The following TBC1D25 variants were observed in gnomAD, a reference collection of about 807,000 sequenced individuals.
The protein encoded by TBC1D25 is 5SN3 snoRNA.
Under a neutral mutation model 38.8 loss-of-function variants are expected in TBC1D25, and 13 were observed. That is an observed-to-expected ratio of 0.34 (90% CI 0.22 to 0.53). TBC1D25 has a LOEUF of 0.53. TBC1D25 is among the 20% of genes least tolerant of loss of function. The pLI is 0.94. For synonymous variants in TBC1D25, 225 were observed against 255.6 expected (o/e 0.88, Z 1.14); for missense variants, 372 against 600.0 (o/e 0.62, Z 3.97).
At position 48,541,445 on chromosome X, in the gene TBC1D25, G is replaced by A. The variant is rs1556980248; in HGVS notation, c.233+3G>A. 1 of 1,209,344 alleles carries A rather than the reference G, an allele frequency of 8.3e-7. No homozygotes were observed. Among genetic ancestry groups the A allele is most frequent in the Non-Finnish European group, 1.1e-6 (1 of 893,587 alleles). ...ATCCGAGCCTTTGATTTGAGTGGGT[G>A]AGTGGGAAGATGCTGGGGACTGGCC... On this transcript the variant is annotated splice_donor_region_variant and intron_variant, in intron 2 of 5. Coordinates refer to ENST00000376771, the MANE Select transcript of TBC1D25 (RefSeq NM_002536.4).
intron 3 of TBC1D25, among the ~76,000 whole-genome samples, chrX:48,548,999 G>T (rs1021321889): frequency 5.3e-5 from 6 of 112,360 alleles, no homozygotes; most frequent in Non-Finnish European, 1.1e-4. Flanking sequence ...CACCTCTACA[G>T]TTGGGAGATT....
At position 48,561,741 on chromosome X, in the gene TBC1D25, C is replaced by T. The variant is rs1240415352; in HGVS notation, c.*766C>T. The T allele has an allele frequency of 8.9e-6, 1 of 112,425 alleles. No individual in the cohort carries two copies. Among genetic ancestry groups the T allele is most frequent in the East Asian group, 2.8e-4 (1 of 3,584 alleles). The allele number at this position is 112,425 out of a possible 1,213,427, so 9.3% of individuals were successfully genotyped here. A position where few individuals can be genotyped will look rare whatever the true frequency, so the allele number is the denominator to read the frequency against. On this transcript the variant is annotated 3_prime_UTR_variant, in exon 6 of 6. Transcript: ENST00000376771. ...CGTGCAGATGTTAACAAGGTTTGAG[C>T]GAGGTGCATCTCACACAAGTGTGAA...
chrX:48,556,819 G>A (rs782217966), intron 3 of TBC1D25, among the ~76,000 whole-genome samples: 106 of 109,044 alleles, frequency 9.7e-4, no homozygotes, highest in Non-Finnish European at 1.3e-3. Flanking sequence ...CTCGTATCAG[G>A]GCTGTAGGAG....
At chrX:48,542,602 C>T (rs1433990145) in intron 2 of TBC1D25, among the ~76,000 whole-genome samples, 3 of 108,001 alleles carry the variant, frequency 2.8e-5, no homozygotes, top group Non-Finnish European at 5.7e-5. Context: ...ATTCTCATGC[C>T]TCAGCCTCCA....
At chrX:48,546,873 T>A (rs181621211) in intron 3 of TBC1D25, among the ~76,000 whole-genome samples, 2 of 112,226 alleles carry the variant, frequency 1.8e-5, no homozygotes, top group Admixed American at 1.9e-4. Context: ...GAAGTATGTA[T>A]GGGTGTTCAG....
At chrX:48,543,398 G>A (rs995590362) in intron 2 of TBC1D25, among the ~76,000 whole-genome samples, 3 of 106,874 alleles carry the variant, frequency 2.8e-5, no homozygotes, top group South Asian at 4.3e-4. Flanking sequence ...CACCATGCCC[G>A]GCTAATTTTT....
intron 3 of TBC1D25, among the ~76,000 whole-genome samples, chrX:48,545,456 T>C (rs2061875816): frequency 8.9e-6 from 1 of 112,474 alleles, no homozygotes; most frequent in Non-Finnish European, 1.9e-5. Context: ...AATATAACAA[T>C]GCGTATTATA....
intron 3 of TBC1D25, among the ~76,000 whole-genome samples, chrX:48,546,249 C>T (rs2061884162): frequency 1.0e-5 from 1 of 100,487 alleles, no homozygotes; most frequent in South Asian, 4.6e-4. Context: ...CACGGTGGCT[C>T]ACGCCTGTAA....
Position 48,562,295 on chromosome X carries a change from G to C in TBC1D25, c.*1320G>C, listed in dbSNP as rs1345839494. 8.9e-6 allele frequency: 1 copy of C among 112,000 alleles called. No homozygotes were observed. The highest frequency in any genetic ancestry group is 1.9e-5 in the Non-Finnish European group (1 of 53,240). 9.2% of individuals were successfully genotyped at this position (112,000 alleles called of 1,213,427 possible). On this transcript the variant is annotated 3_prime_UTR_variant, in exon 6 of 6. Transcript: ENST00000376771. ...CACTAGGCAATGCTGCCAGAGATGAGGAGGCATCAGGGCAGTCATCCCTTC... is the reference window on the plus strand; with the variant it reads ...CACTAGGCAATGCTGCCAGAGATGACGAGGCATCAGGGCAGTCATCCCTTC...
Position 48,539,754 on chromosome X carries a change from G to A in TBC1D25, c.-44G>A, listed in dbSNP as rs1226247555. The A allele has an allele frequency of 3.6e-5, 34 of 944,684 alleles. No homozygotes were observed. Among genetic ancestry groups the A allele is most frequent in the South Asian group, 5.2e-5 (1 of 19,131 alleles). The allele number at this position is 944,684 out of a possible 1,213,427, so 77.9% of individuals were successfully genotyped here. ...AGTACAGTAGAGTGTGCGCCGGGGT[G>A]GGGGGCAACGGTCAGCCGTCACCCT... On this transcript the variant is annotated 5_prime_UTR_variant, in exon 1 of 6. Transcript: ENST00000376771.
In TBC1D25 at chrX:48,561,057, C is replaced by T. The variant is rs1300940063; in HGVS notation, c.*82C>T. ...GGCCAACACATGAGACCCCACCTCC[C>T]TCCCTGCCTGCCAGCCCTAGACTTG... On this transcript the variant is annotated 3_prime_UTR_variant, in exon 6 of 6. Transcript: ENST00000376771. 8.7e-6 allele frequency: 9 copies of T among 1,035,883 alleles called. No individual in the cohort carries two copies. The highest frequency in any genetic ancestry group is 3.6e-4 in the Middle Eastern group (1 of 2,764). The allele number at this position is 1,035,883 out of a possible 1,213,427, so 85.4% of individuals were successfully genotyped here.
At chrX:48,558,199 T>C (rs1365549744) in intron 3 of TBC1D25, among the ~76,000 whole-genome samples, 7 of 111,416 alleles carry the variant, frequency 6.3e-5, no homozygotes, top group Admixed American at 5.8e-4. Context: ...GGCTCTGGAC[T>C]AGGGTGAATG....
At chrX:48,540,386 T>A (rs2061829221) in intron 1 of TBC1D25, among the ~76,000 whole-genome samples, 1 of 111,949 alleles carries the variant, frequency 8.9e-6, no homozygotes, top group South Asian at 3.7e-4. Context: ...TGAAAAAGGT[T>A]ATGAAATAGG....
rs185624144 is a variant in TBC1D25 at position 48,556,922 on chromosome X, G to A, written c.389-1975G>A. 2.7e-4 allele frequency among the ~76,000 whole-genome samples: 30 copies of A among 109,706 alleles called. No homozygotes were observed. In the East Asian group the frequency reaches 4.6e-3, roughly 17 times the overall value. ...TGTGAGGTGGGAAGAAAGAATGCGG[G>A]GCAAAATGAAAAAGAAAGAGAAACG... is the stretch of plus-strand genomic sequence containing the variant. On this transcript the variant is annotated intron_variant, in intron 3 of 5. Coordinates refer to ENST00000376771, the MANE Select transcript of TBC1D25 (RefSeq NM_002536.4).
At chrX:48,542,541 G>T (rs1476095984) in intron 2 of TBC1D25, among the ~76,000 whole-genome samples, 1 of 102,055 alleles carries the variant, frequency 9.8e-6, no homozygotes, top group Non-Finnish European at 2.0e-5. Context: ...AGGTTGGAGT[G>T]CAGTGGTCCG....
intron 1 of TBC1D25, among the ~76,000 whole-genome samples, chrX:48,540,939 T>C (rs1418218257): frequency 8.9e-6 from 1 of 112,168 alleles, no homozygotes; most frequent in Non-Finnish European, 1.9e-5. Flanking sequence ...AGTTTGGTAC[T>C]ACTAGAGTGT....
intron 3 of TBC1D25, among the ~76,000 whole-genome samples, chrX:48,556,613 G>A (rs2061977133): frequency 9.1e-6 from 1 of 109,676 alleles, no homozygotes; most frequent in South Asian, 4.0e-4. Flanking sequence ...CAGGCGTGGT[G>A]GCAGGCACCT....
Position 48,545,926 on chromosome X carries a change from T to C in TBC1D25, c.388+903T>C, listed in dbSNP as rs782624694. ...CTCAACCTCTTTATAAGAGCCCAAA[T>C]CCGCTGGGCACGGTGGCTCATGCCT... On this transcript the variant is annotated intron_variant, in intron 3 of 5. Transcript: ENST00000376771. Among the ~76,000 whole-genome samples, 19 of 111,117 alleles carry C rather than the reference T, an allele frequency of 1.7e-4. No homozygotes were observed. In the East Asian group the frequency reaches 5.3e-3, roughly 31 times the overall value.
rs144855115 is a variant in TBC1D25 at position 48,544,901 on chromosome X, G to T, written c.266G>T (p.Arg89Leu). ...AACTTTGGCATCAGCTACCTGGGCC[G>T]GGACCGGCTAGGACAGGAAGTTTAC... is the stretch of plus-strand genomic sequence containing the variant. ...KKNFGISYLG[R>L]DRLGQEVYLS... is the part of the protein sequence containing the mutation. The change falls in exon 3 of 6, where the codon CGG becomes CTG. Residue 89 changes from arginine (R) to leucine (L), a missense_variant. Transcript: ENST00000376771. The T allele has an allele frequency of 8.2e-5, 99 of 1,210,268 alleles. No individual in the cohort carries two copies. The highest frequency in any genetic ancestry group is 9.5e-5 in the Non-Finnish European group (85 of 895,198).
Sources: gnomAD v4.1 joint callset for allele counts (sites outside exome capture counted in the v4.1 genomes callset) on GRCh38, gnomAD v4.1.1 for gene constraint, MANE v1.5 for transcripts, NCBI Gene and HGNC (gene_info 2026-07-23, HGNC 2026-07-21) for gene names.